Variants in IFNAR2 observed in about 807,000 individuals in gnomAD.
IFNAR2 encodes interferon alpha/beta receptor 2.
Under a neutral mutation model 49.4 loss-of-function variants are expected in IFNAR2, and 30 were observed. The ratio of observed to expected loss-of-function variants is 0.61; its 90% CI spans 0.45 to 0.82. The LOEUF is 0.82. Among genes scored for constraint, IFNAR2 ranks in the 40% least tolerant of loss-of-function variants. The pLI, the probability that IFNAR2 is intolerant of heterozygous loss-of-function variation, is 0.00. For missense variants in IFNAR2, 600 were observed against 622.7 expected, an observed-to-expected ratio of 0.96 and a Z score of 0.39; for synonymous variants, 224 against 234.5, an observed-to-expected ratio of 0.96 and a Z score of 0.41.
rs749657637 is a variant in IFNAR2 at position 33,262,993 on chromosome 21, G to C, written c.1041G>C (p.Leu347=). ...TGCATGGACTGACTGTCAGGCCTCT[G>C]GGTCAGGCCTCTGCCACCTCTACAG... is the stretch of plus-strand genomic sequence containing the variant. ...YTMHGLTVRP[L]GQASATSTES... The change falls in exon 9 of 9, where the codon CTG becomes CTC. Residue 347 remains leucine, a synonymous_variant. Coordinates refer to ENST00000342136, the MANE Select transcript of IFNAR2 (RefSeq NM_001289125.3). 7 of 1,614,130 alleles carry C rather than the reference G, an allele frequency of 4.3e-6. No homozygotes were observed. The highest frequency in any genetic ancestry group is 1.6e-4 in the Middle Eastern group (1 of 6,062).
chr21:33,236,989 CTG>C (rs1986510026), intron 1 of IFNAR2: 1 of 604,440 alleles, frequency 1.7e-6, no homozygotes, highest in South Asian at 7.3e-5. Flanking sequence ...CAAGAAGAAT[CTG>C]GTAATCAGGC....
intron 7 of IFNAR2, among the ~76,000 whole-genome samples, chr21:33,259,362 A>G (rs897384097): frequency 5.9e-5 from 9 of 152,176 alleles, no homozygotes; most frequent in South Asian, 4.1e-4. Context: ...GCATGCATGT[A>G]TAATTGTCAT....
At chr21:33,252,116 C>G (rs987421586) in intron 6 of IFNAR2, 1 of 450,418 alleles carries the variant, frequency 2.2e-6, no homozygotes, top group Non-Finnish European at 4.6e-6. Context: ...ATCTATCTAT[C>G]TATATCTGTC....
In IFNAR2 at chr21:33,234,768, G is replaced by A. The variant is rs143198208; in HGVS notation, c.-84+4552G>A. On this transcript the variant is annotated intron_variant, in intron 1 of 8. Transcript: ENST00000342136. ...GAACCTGTGACAAAATTGGGGTTCAGCCTGGGAAGCCACATGAGTTGTTGG... is the reference window on the plus strand; with the variant it reads ...GAACCTGTGACAAAATTGGGGTTCAACCTGGGAAGCCACATGAGTTGTTGG... The A allele has an allele frequency of 3.0e-4, 294 of 984,594 alleles. 2 individuals are homozygous for A. In the African/African-American group the frequency reaches 4.8e-3, roughly 16 times the overall value. 61.0% of individuals were successfully genotyped at this position (984,594 alleles called of 1,614,324 possible).
chr21:33,233,295 T>A (rs927684341), intron 1 of IFNAR2, among the ~76,000 whole-genome samples: 1 of 152,130 alleles, frequency 6.6e-6, no homozygotes, highest in Non-Finnish European at 1.5e-5. Flanking sequence ...GAAGCTATTA[T>A]GAAAGACAAA....
chr21:33,263,034 ACCCGGAGT>A lies in IFNAR2; in HGVS notation c.1085_1092del (p.Pro362ArgfsTer5). ...ACCTCTACAGAATCCCAGTTGATAG[ACCCGGAGT>A]CCGAGGAGGAGCCTGACCTGCCTGA... On this transcript the variant is annotated frameshift_variant, in exon 9 of 9. Transcript: ENST00000342136. LOFTEE classifies it high-confidence loss of function. The A allele has an allele frequency of 6.2e-7, 1 of 1,614,032 alleles. No homozygotes were observed. The highest frequency in any genetic ancestry group is 8.5e-7 in the Non-Finnish European group (1 of 1,179,988).
At chr21:33,246,418 T>G (rs542782661) in intron 4 of IFNAR2, among the ~76,000 whole-genome samples, 1 of 152,156 alleles carries the variant, frequency 6.6e-6, no homozygotes, top group African/African-American at 2.4e-5. Flanking sequence ...GGGGTCCAAC[T>G]GTGAACCAAA....
rs1601802422 is a variant in IFNAR2 at position 33,246,888 on chromosome 21, A to G, written c.392A>G (p.Asp131Gly). ...TCACACAATTTCTGGCTGGCCATAG[A>G]CAGTGAGTTTTATCTCTGTTTCTCC... Reference protein sequence around the residue: ...SCSHNFWLAIDMSFEPPEFEI... With the variant: ...SCSHNFWLAIGMSFEPPEFEI... Residue 131 changes from aspartate (D) to glycine (G), a missense_variant and splice_region_variant, in exon 5 of 9, where the codon GAC (aspartate) becomes GGC (glycine). Coordinates refer to ENST00000342136, the MANE Select transcript of IFNAR2 (RefSeq NM_001289125.3). 6.2e-7 allele frequency: 1 copy of G among 1,612,334 alleles called. No individual in the cohort carries two copies. Among genetic ancestry groups the G allele is most frequent in the Non-Finnish European group, 8.5e-7 (1 of 1,178,954 alleles).
intron 7 of IFNAR2, among the ~76,000 whole-genome samples, chr21:33,254,258 TCCTA>T (rs1210565353): frequency 6.6e-6 from 1 of 152,136 alleles, no homozygotes; most frequent in Non-Finnish European, 1.5e-5. Flanking sequence ...CACGGGACCT[TCCTA>T]CCTTTGGAAT....
chr21:33,241,283 G>A (rs1173780945), intron 1 of IFNAR2, among the ~76,000 whole-genome samples: 1 of 152,118 alleles, frequency 6.6e-6, no homozygotes, highest in Non-Finnish European at 1.5e-5. Context: ...TCTACTTCTG[G>A]AAATTTTCCC....
rs139071443 is a variant in IFNAR2 at position 33,263,181 on chromosome 21, A to G, written c.1229A>G (p.Asp410Gly). The G allele has an allele frequency of 2.5e-6, 4 of 1,614,082 alleles. No homozygotes were observed. The African/African-American group carries it at 5.3e-5, about 22-fold the overall frequency. The change falls in exon 9 of 9, where the codon GAC (aspartate) becomes GGC (glycine). Residue 410 changes from aspartate to glycine, a missense_variant. Transcript: ENST00000342136. ...CTCCAGGACCCTTTTCCCGAAGAGG[A>G]CTACAGCTCCACGGAGGGGTCTGGG... Reference protein sequence around the residue: ...SPLQDPFPEEDYSSTEGSGGR... With the variant: ...SPLQDPFPEEGYSSTEGSGGR...
At position 33,244,983 on chromosome 21, in the gene IFNAR2, T is replaced by C; in HGVS notation, c.130T>C (p.Ser44Pro). 8 of 1,612,674 alleles carry C rather than the reference T, an allele frequency of 5.0e-6. No individual in the cohort carries two copies. Among genetic ancestry groups the C allele is most frequent in the Non-Finnish European group, 6.8e-6 (8 of 1,178,628 alleles). The change falls in exon 4 of 9, where the codon TCA becomes CCA. Residue 44 changes from serine to proline, a missense_variant. By Grantham distance (74) the Ser-to-Pro change is moderately conservative. Coordinates refer to ENST00000342136, the MANE Select transcript of IFNAR2 (RefSeq NM_001289125.3). ...YTDESCTFKI[S>P]LRNFRSILSW... is the part of the protein sequence containing the mutation. ...AGATGAATCTTGCACTTTCAAGATA[T>C]CATTGCGAAATTTCCGGTCCATCTT...
chr21:33,265,327 TCTTA>T lies in IFNAR2; in HGVS notation c.*1828_*1831del, dbSNP rs1466072780. The stretch of plus-strand genomic sequence containing the variant: ...CAAGAGCTGGTTTCTCAAACCTTTC[TCTTA>T]GGCCCCTTCAAAGGGGGAAAACTAA... On this transcript the variant is annotated 3_prime_UTR_variant, in exon 9 of 9. Coordinates refer to ENST00000342136, the MANE Select transcript of IFNAR2 (RefSeq NM_001289125.3). The T allele has an allele frequency of 6.6e-6, 1 of 152,374 alleles. No individual in the cohort carries two copies. Among genetic ancestry groups the T allele is most frequent in the Non-Finnish European group, 1.5e-5 (1 of 68,156 alleles). 9.4% of individuals were successfully genotyped at this position (152,374 alleles called of 1,614,324 possible). A position where few individuals can be genotyped will look rare whatever the true frequency, so the allele number is the denominator to read the frequency against.
chr21:33,233,029 A>G, intron 1 of IFNAR2: 1 of 583,898 alleles, frequency 1.7e-6, no homozygotes, highest in Non-Finnish European at 2.2e-6. Context: ...CCATTGCCTT[A>G]CACTGTGCAA....
At chr21:33,262,698 C>A in intron 8 of IFNAR2, 95 bp from the exon 9 acceptor site, 1 of 1,527,356 alleles carries the variant, frequency 6.5e-7, no homozygotes, top group Non-Finnish European at 9.1e-7. Context: ...AGCGTGCATC[C>A]CTGTGCCCCA....
rs184356939 is a variant in IFNAR2, at chr21:33,261,653, T to C, written c.840+926T>C. ...ACTTTGGGAGGCTGAGGCGGGTGGA[T>C]CATTTGAGCCCAGGAGTTTGAGACC... On this transcript the variant is annotated intron_variant, in intron 8 of 8. Coordinates refer to ENST00000342136, the MANE Select transcript of IFNAR2 (RefSeq NM_001289125.3). Among the ~76,000 whole-genome samples, 482 of 152,186 alleles carry C rather than the reference T, an allele frequency of 3.2e-3. 1 individual carries two copies. Among genetic ancestry groups the C allele is most frequent in the Middle Eastern group, 0.01 (3 of 292 alleles).
rs1985932961 is a variant in IFNAR2 at position 33,230,193 on chromosome 21, A to C, written c.-107A>C. The C allele has an allele frequency of 9.7e-7, 1 of 1,027,756 alleles. No homozygotes were observed. The highest frequency in any genetic ancestry group is 1.7e-5 in the African/African-American group (1 of 57,354). The allele number at this position is 1,027,756 out of a possible 1,614,324, so 63.7% of individuals were successfully genotyped here. A position where few individuals can be genotyped will look rare whatever the true frequency, so the allele number is the denominator to read the frequency against. ...GGGCCCGAGGCTAGCATCTCTCGGG[A>C]GCCGCAAGGCGAGAGCTGCAAAGGT... is the stretch of plus-strand genomic sequence containing the variant. On this transcript the variant is annotated 5_prime_UTR_variant, in exon 1 of 9. Coordinates refer to ENST00000342136, the MANE Select transcript of IFNAR2 (RefSeq NM_001289125.3). This position sits in a 1 kb window ranked among gnomAD's most constrained non-coding sequence, Gnocchi z 5.5.
chr21:33,250,409 A>C lies in IFNAR2; in HGVS notation c.540+1555A>C, dbSNP rs546809765. ...AGGCATCTTCTTCATAAGGAAAATT[A>C]GCCTTTAAATCCAGAAAAAAAAATA... is the stretch of plus-strand genomic sequence containing the variant. On this transcript the variant is annotated intron_variant, in intron 6 of 8. Transcript: ENST00000342136. 1.1e-4 allele frequency among the ~76,000 whole-genome samples: 17 copies of C among 152,330 alleles called. No individual in the cohort carries two copies. The East Asian group carries it at 2.1e-3, about 19-fold the overall frequency.
chr21:33,251,526 A>G (rs1000403142), intron 6 of IFNAR2: 7 of 984,224 alleles, frequency 7.1e-6, no homozygotes, highest in African/African-American at 1.7e-5. Flanking sequence ...TGTGCTGGCC[A>G]CTGGAGGGGA....
Sources: gnomAD v4.1 joint callset for allele counts (sites outside exome capture counted in the v4.1 genomes callset) on GRCh38, gnomAD v4.1.1 for gene constraint, Gnocchi (gnomAD v3.1) non-coding constraint, MANE v1.5 for transcripts, NCBI Gene and HGNC (gene_info 2026-07-23, HGNC 2026-07-21) for gene names.